Variants in REDIC1 observed in about 807,000 individuals in gnomAD.
The protein encoded by REDIC1 is HEI10 Interacting Protein 1.
At chr12:39,772,161 C>T in the REDIC1 span, among the ~76,000 whole-genome samples, 1 of 152,142 alleles carries the variant, frequency 6.6e-6, no homozygotes, top group East Asian at 1.9e-4. Flanking sequence ...AGATTTCATC[C>T]CAGGGAGTAC....
chr12:39,751,042 A>G, the REDIC1 span, among the ~76,000 whole-genome samples: 1 of 152,194 alleles, frequency 6.6e-6, no homozygotes, highest in East Asian at 1.9e-4. Context: ...CAATGGCAAC[A>G]AAAGCCAAAA....
At chr12:39,699,300 G>T in the REDIC1 span, among the ~76,000 whole-genome samples, 2 of 152,198 alleles carry the variant, frequency 1.3e-5, no homozygotes, top group Admixed American at 1.3e-4. Flanking sequence ...AGCGAAAGGG[G>T]TCAGGGAGTT....
the REDIC1 span, among the ~76,000 whole-genome samples, chr12:39,690,287 TG>T: frequency 6.6e-6 from 1 of 151,822 alleles, no homozygotes; most frequent in South Asian, 2.1e-4. Flanking sequence ...TTGATGGGAG[TG>T]GGAGAGAATA....
the REDIC1 span, among the ~76,000 whole-genome samples, chr12:39,776,999 A>G: frequency 6.6e-6 from 1 of 152,176 alleles, no homozygotes; most frequent in Non-Finnish European, 1.5e-5. Context: ...TTCCCCATAT[A>G]GTTGCTATGG....
the REDIC1 span, among the ~76,000 whole-genome samples, chr12:39,876,980 C>A: frequency 1.0e-3 from 156 of 152,214 alleles, 1 homozygote; most frequent in African/African-American, 3.5e-3. Context: ...TTCTTTAGCT[C>A]TTTTAGTTCC....
chr12:39,885,894 G>C, the REDIC1 span, among the ~76,000 whole-genome samples: 1 of 152,034 alleles, frequency 6.6e-6, no homozygotes, highest in Non-Finnish European at 1.5e-5. Flanking sequence ...AACGTATTTG[G>C]TTCAACAACA....
the REDIC1 span, chr12:39,760,353 C>G: frequency 1.9e-6 from 2 of 1,070,688 alleles, no homozygotes; most frequent in Non-Finnish European, 2.7e-6. Context: ...GTCAGTCATG[C>G]ATAATCACAG....
chr12:39,754,888 GA>G, the REDIC1 span: 2 of 151,822 alleles, frequency 1.3e-5, no homozygotes, highest in African/African-American at 4.8e-5. Context: ...ATAATCAAAA[GA>G]AATAAAATAT....
the REDIC1 span, among the ~76,000 whole-genome samples, chr12:39,668,757 T>G: frequency 6.6e-6 from 1 of 152,220 alleles, no homozygotes; most frequent in East Asian, 1.9e-4. Context: ...TTCATTTTTT[T>G]TTGTTATTTT....
the REDIC1 span, among the ~76,000 whole-genome samples, chr12:39,877,424 A>G: frequency 6.6e-6 from 1 of 152,214 alleles, no homozygotes; most frequent in Admixed American, 6.5e-5. Context: ...ATTACCTCCC[A>G]TTGAGTCCTT....
the REDIC1 span, among the ~76,000 whole-genome samples, chr12:39,710,930 G>A: frequency 1.3e-5 from 2 of 151,018 alleles, no homozygotes; most frequent in East Asian, 1.9e-4. Flanking sequence ...TTGGGGTAAA[G>A]GTGGTATTTC....
chr12:39,892,234 T>C, the REDIC1 span, among the ~76,000 whole-genome samples: 1 of 152,250 alleles, frequency 6.6e-6, no homozygotes, highest in South Asian at 2.1e-4. Context: ...TACCCTTGTC[T>C]ATCTCATTAA....
the REDIC1 span, among the ~76,000 whole-genome samples, chr12:39,775,397 A>ACTT: frequency 6.6e-6 from 1 of 152,220 alleles, no homozygotes; most frequent in Non-Finnish European, 1.5e-5. Context: ...GATGTGGCCT[A>ACTT]CTTCTGCCTC....
At chr12:39,702,636 G>T in the REDIC1 span, among the ~76,000 whole-genome samples, 1 of 152,084 alleles carries the variant, frequency 6.6e-6, no homozygotes. Flanking sequence ...AACCAAAAAA[G>T]AGAATTTTAG....
At chr12:39,671,222 AG>A in the REDIC1 span, among the ~76,000 whole-genome samples, 1 of 152,172 alleles carries the variant, frequency 6.6e-6, no homozygotes, top group South Asian at 2.1e-4. Context: ...GTATCCATAA[AG>A]TTGGTTGGGT....
At chr12:39,866,177 T>C in the REDIC1 span, among the ~76,000 whole-genome samples, 3 of 152,188 alleles carry the variant, frequency 2.0e-5, no homozygotes. Context: ...TGAACAAAAA[T>C]ATTCAAAATA....
chr12:39,702,784 G>A, the REDIC1 span, among the ~76,000 whole-genome samples: 3 of 152,126 alleles, frequency 2.0e-5, no homozygotes, highest in Non-Finnish European at 2.9e-5. Flanking sequence ...TTCAATATAC[G>A]CAAATCAATA....
the REDIC1 span, among the ~76,000 whole-genome samples, chr12:39,639,039 G>GT: frequency 1.3e-5 from 2 of 151,930 alleles, no homozygotes; most frequent in Non-Finnish European, 2.9e-5. Flanking sequence ...TCTGGATTGC[G>GT]TAATATTGCC....
At chr12:39,739,354 C>A in the REDIC1 span, among the ~76,000 whole-genome samples, 1 of 152,250 alleles carries the variant, frequency 6.6e-6, no homozygotes, top group East Asian at 1.9e-4. Context: ...GGATTCATTC[C>A]TTTGTTCATT....
Sources: gnomAD v4.1 joint callset for allele counts (sites outside exome capture counted in the v4.1 genomes callset) on GRCh38, gnomAD v4.1.1 for gene constraint, MANE v1.5 for transcripts, NCBI Gene and HGNC (gene_info 2026-07-23, HGNC 2026-07-21) for gene names.